PCDHA3: variants seen among roughly 807,000 people sequenced by gnomAD.
PCDHA3 encodes protocadherin alpha 3, also known as protocadherin alpha-3.
In PCDHA3, 41 loss-of-function variants were observed where a neutral mutation model predicts 62.2. That is an observed-to-expected ratio of 0.66 (90% CI 0.51 to 0.86). The LOEUF is 0.86. PCDHA3 is among the 40% of genes least tolerant of loss of function. The pLI is 0.00. For missense variants in PCDHA3, 1,304 were observed against 1,241.2 expected (o/e 1.05, Z -0.76); for synonymous variants, 640 against 555.4 (o/e 1.15, Z -2.14).
At position 140,871,104 on chromosome 5, in the gene PCDHA3, G is replaced by A. The variant is rs377444052; in HGVS notation, c.2394+67513G>A. 1,642 of 1,613,308 alleles carry A rather than the reference G, an allele frequency of 1.0e-3. 2 individuals are homozygous for A. Among genetic ancestry groups the A allele is most frequent in the Non-Finnish European group, 1.0e-3 (1,175 of 1,179,876 alleles). On this transcript the variant is annotated intron_variant, in intron 1 of 3. Coordinates refer to ENST00000522353, the MANE Select transcript of PCDHA3 (RefSeq NM_018906.3). ...CGGCCACGGCCACCGTGCTGGTGTC[G>A]TTGGTGGAGAGCGGACAGGCGCCAA...
chr5:140,855,687 GA>G (rs1455055346), intron 1 of PCDHA3, among the ~76,000 whole-genome samples: 4 of 149,608 alleles, frequency 2.7e-5, no homozygotes, highest in Admixed American at 2.0e-4. Context: ...CTACATTTAA[GA>G]AAACATTGCA....
chr5:140,884,486 G>T, intron 1 of PCDHA3: 1 of 1,614,030 alleles, frequency 6.2e-7, no homozygotes, highest in Non-Finnish European at 8.5e-7. Flanking sequence ...GCCCACTCTA[G>T]TGTGCTCCAG....
rs2150492739 is a variant in PCDHA3 at position 140,850,664 on chromosome 5, C to G, written c.2394+47073C>G. On this transcript the variant is annotated intron_variant, in intron 1 of 3. Coordinates refer to ENST00000522353, the MANE Select transcript of PCDHA3 (RefSeq NM_018906.3). Reference sequence around the variant, plus strand: ...TGCTGCTGTACACTGTGCTGCGGTGCTCGGCGATGCCCACCGAGGGCGAGT... The same window carrying G: ...TGCTGCTGTACACTGTGCTGCGGTGGTCGGCGATGCCCACCGAGGGCGAGT... 4.4e-6 allele frequency: 7 copies of G among 1,598,280 alleles called. No individual in the cohort carries two copies. In the African/African-American group the frequency reaches 9.4e-5, roughly 22 times the overall value.
At chr5:140,928,097 C>T (rs2084934742) in intron 1 of PCDHA3, 2 of 1,614,054 alleles carry the variant, frequency 1.2e-6, no homozygotes, top group African/African-American at 2.7e-5. Flanking sequence ...ATTGATGGGC[C>T]CCTGGACCGG....
chr5:140,966,928 C>T (rs782034487), intron 1 of PCDHA3: 1 of 1,603,332 alleles, frequency 6.2e-7, no homozygotes, highest in South Asian at 1.1e-5. Context: ...AGCAGGCACC[C>T]GGCGCGCTCG....
At chr5:140,827,860 G>T in intron 1 of PCDHA3, 1 of 529,744 alleles carries the variant, frequency 1.9e-6, no homozygotes. Flanking sequence ...AAAAATATAT[G>T]GTATAGCACT....
Position 140,927,792 on chromosome 5 carries a change from T to C in PCDHA3, c.2395-51157T>C, listed in dbSNP as rs12522306. On this transcript the variant is annotated intron_variant, in intron 1 of 3. Coordinates refer to ENST00000522353, the MANE Select transcript of PCDHA3 (RefSeq NM_018906.3). The stretch of plus-strand genomic sequence containing the variant: ...AGGTGCAAGTAGCTGCTTCACTAGG[T>C]CCGCCTGAAACGCTCTTGGAGGCAT... 8,419 of 1,614,148 alleles carry C rather than the reference T, an allele frequency of 5.2e-3. 630 individuals carry two copies. The Admixed American group carries it at 0.13, about 25-fold the overall frequency.
chr5:140,920,485 A>G (rs1366888817), intron 1 of PCDHA3, among the ~76,000 whole-genome samples: 3 of 152,164 alleles, frequency 2.0e-5, no homozygotes, highest in Admixed American at 6.5e-5. Context: ...TTTTTGGTCC[A>G]ACAATAGAGT....
chr5:141,007,377 AC>A lies in PCDHA3; in HGVS notation c.2543-2248del, dbSNP rs1563708435. Among the ~76,000 whole-genome samples, 4 of 136,616 alleles carry A rather than the reference AC, an allele frequency of 2.9e-5. No individual in the cohort carries two copies. The East Asian group carries it at 8.7e-4, about 30-fold the overall frequency. The allele number at this position is 136,616 out of a possible 152,430, so 89.6% of individuals were successfully genotyped here. ...ACCAGCCTGGGCAACATGATGGAAC[AC>A]CATCTCTACTAAAATACAAAAAAAA... On this transcript the variant is annotated intron_variant, in intron 3 of 3. Transcript: ENST00000522353.
At position 140,857,973 on chromosome 5, in the gene PCDHA3, C is replaced by G. The variant is rs114376757; in HGVS notation, c.2394+54382C>G. On this transcript the variant is annotated intron_variant, in intron 1 of 3. Transcript: ENST00000522353. ...CGCGCTCTGGATGAGACTGACTCGC[C>G]ACGCCAGCGCCTACTGGTGCTGGTG... is the stretch of plus-strand genomic sequence containing the variant. The G allele has an allele frequency of 3.1e-3, 4,989 of 1,596,810 alleles. 388 individuals carry two copies. In the African/African-American group the frequency reaches 0.058, roughly 19 times the overall value.
chr5:140,935,341 G>A (rs1318000398), intron 1 of PCDHA3, among the ~76,000 whole-genome samples: 5 of 152,046 alleles, frequency 3.3e-5, no homozygotes, highest in Non-Finnish European at 5.9e-5. Context: ...TCTCCCATAC[G>A]TCAAATCCCA....
chr5:140,824,402 G>T (rs1768107554), intron 1 of PCDHA3: 3 of 539,824 alleles, frequency 5.6e-6, no homozygotes, highest in East Asian at 3.1e-5. Flanking sequence ...GATAATAATT[G>T]TAAGACATAG....
rs748166275 is a variant in PCDHA3 at position 140,954,138 on chromosome 5, T to C, written c.2395-24811T>C. Among the ~76,000 whole-genome samples the C allele has an allele frequency of 5.9e-4, 90 of 152,260 alleles. 1 individual carries two copies. The highest frequency in any genetic ancestry group is 6.5e-4 in the Admixed American group (10 of 15,282). On this transcript the variant is annotated intron_variant, in intron 1 of 3. Coordinates refer to ENST00000522353, the MANE Select transcript of PCDHA3 (RefSeq NM_018906.3). The stretch of plus-strand genomic sequence containing the variant: ...CTTGTTCCTTTTTATGGATGCATAG[T>C]ATTCCATGGTGTATATGTACCACAT...
chr5:140,968,567 G>A (rs1586307422), intron 1 of PCDHA3: 1 of 1,614,156 alleles, frequency 6.2e-7, no homozygotes, highest in East Asian at 2.2e-5. Flanking sequence ...TGCCCCTGCT[G>A]GCTACCTGGT....
chr5:140,981,504 G>A (rs1435264364), intron 2 of PCDHA3, among the ~76,000 whole-genome samples: 1 of 152,182 alleles, frequency 6.6e-6, no homozygotes, highest in African/African-American at 2.4e-5. Flanking sequence ...AACCTGGGAG[G>A]CAGAGGTTGC....
intron 1 of PCDHA3, chr5:140,847,674 G>A (rs2150402803): frequency 6.7e-6 from 1 of 149,800 alleles, no homozygotes; most frequent in African/African-American, 2.4e-5. Flanking sequence ...AGCTTGGAAA[G>A]AATCAAAACA....
intron 1 of PCDHA3, chr5:140,882,638 A>G (rs2059233239): frequency 5.0e-6 from 8 of 1,614,116 alleles, no homozygotes; most frequent in African/African-American, 1.3e-5. Context: ...GGTGAAGGTG[A>G]GGGACATTAA....
intron 1 of PCDHA3, chr5:140,810,636 A>G (rs900090794): frequency 2.6e-5 from 4 of 151,826 alleles, no homozygotes; most frequent in Admixed American, 2.6e-4. Context: ...AGCTGCTCAA[A>G]TCTCCTATTT....
chr5:140,873,989 T>C (rs1264143469), intron 1 of PCDHA3, among the ~76,000 whole-genome samples: 3 of 152,222 alleles, frequency 2.0e-5, no homozygotes, highest in African/African-American at 7.2e-5. Context: ...TTCCTTAGCA[T>C]GTATGGTACA....
Sources: gnomAD v4.1 joint callset for allele counts (sites outside exome capture counted in the v4.1 genomes callset) on GRCh38, gnomAD v4.1.1 for gene constraint, MANE v1.5 for transcripts, NCBI Gene and HGNC (gene_info 2026-07-23, HGNC 2026-07-21) for gene names.